IMMP2L: variants seen among roughly 807,000 people sequenced by gnomAD.
IMMP2L encodes inner mitochondrial membrane peptidase subunit 2, also known as mitochondrial inner membrane protease subunit 2.
IMMP2L carries 18 observed loss-of-function variants against 19.3 expected under a neutral mutation model. The ratio of observed to expected loss-of-function variants is 0.93; its 90% CI spans 0.64 to 1.38. The LOEUF (loss-of-function observed/expected upper bound fraction) is 1.38. Ranked by LOEUF, IMMP2L falls within the 40% of genes most tolerant of loss-of-function variation. The pLI is 0.00. For missense variants in IMMP2L, 233 were observed against 218.2 expected (o/e 1.07, Z -0.43); for synonymous variants, 76 against 73.0 (o/e 1.04, Z -0.21).
intron 3 of IMMP2L, among the ~76,000 whole-genome samples, chr7:111,429,377 A>C (rs1295332059): frequency 1.3e-5 from 2 of 151,918 alleles, no homozygotes; most frequent in Non-Finnish European, 2.9e-5. Context: ...CAGAAGAGGC[A>C]AGGCCTGAGT....
At chr7:110,695,218 G>T (rs1391617551) in intron 5 of IMMP2L, among the ~76,000 whole-genome samples, 1 of 152,136 alleles carries the variant, frequency 6.6e-6, no homozygotes, top group Non-Finnish European at 1.5e-5. Context: ...TTGAGACAGG[G>T]TCTTGCTCTG....
chr7:110,865,416 C>A lies in IMMP2L; in HGVS notation c.408+21177G>T, dbSNP rs183886413. Among the ~76,000 whole-genome samples the A allele has an allele frequency of 3.9e-3, 599 of 152,048 alleles. 5 individuals carry two copies. The highest frequency in any genetic ancestry group is 0.014 in the African/African-American group (575 of 41,504). On this transcript the variant is annotated intron_variant, in intron 5 of 5. Transcript: ENST00000405709. ...GTGTTAGCCTTCATTTCGCTCTTACCAACTACATTTCATCAACATTTACTC... is the reference window on the plus strand; with the variant it reads ...GTGTTAGCCTTCATTTCGCTCTTACAAACTACATTTCATCAACATTTACTC...
intron 3 of IMMP2L, among the ~76,000 whole-genome samples, chr7:111,412,961 T>A (rs762847624): frequency 6.6e-6 from 1 of 151,628 alleles, no homozygotes; most frequent in African/African-American, 2.4e-5. Context: ...AAGCTGCTTT[T>A]TGGAAAACAT....
At chr7:111,378,556 G>A (rs1830905638) in intron 3 of IMMP2L, among the ~76,000 whole-genome samples, 1 of 151,936 alleles carries the variant, frequency 6.6e-6, no homozygotes, top group Non-Finnish European at 1.5e-5. Context: ...CGCTGTAGTT[G>A]TAACTGGCAA....
intron 3 of IMMP2L, chr7:111,122,299 A>G (rs1800744363): frequency 6.5e-6 from 1 of 152,846 alleles, no homozygotes; most frequent in South Asian, 2.1e-4. Context: ...AACTCTAAGA[A>G]TATAATTTAT....
chr7:111,147,795 C>A (rs1156436880), intron 3 of IMMP2L, among the ~76,000 whole-genome samples: 1 of 152,086 alleles, frequency 6.6e-6, no homozygotes, highest in Non-Finnish European at 1.5e-5. Context: ...AAAACACAAA[C>A]AATTGTCAAA....
intron 5 of IMMP2L, among the ~76,000 whole-genome samples, chr7:110,825,630 T>C (rs945287658): frequency 3.4e-4 from 51 of 152,156 alleles, no homozygotes; most frequent in African/African-American, 1.2e-3. Context: ...AACTGGCTAG[T>C]CATATGTAGA....
chr7:110,976,277 T>A (rs2129557312), intron 3 of IMMP2L, among the ~76,000 whole-genome samples: 1 of 152,212 alleles, frequency 6.6e-6, no homozygotes, highest in African/African-American at 2.4e-5. Flanking sequence ...TATTTGATGA[T>A]GATTAGATCA....
At chr7:110,937,021 C>T (rs767947379) in intron 4 of IMMP2L, among the ~76,000 whole-genome samples, 6 of 151,816 alleles carry the variant, frequency 4.0e-5, no homozygotes, top group Middle Eastern at 3.2e-3. Context: ...CATGAACAAA[C>T]GGAGGGGAAC....
intron 3 of IMMP2L, among the ~76,000 whole-genome samples, chr7:111,469,690 G>A (rs1356372608): frequency 3.9e-5 from 6 of 152,112 alleles, no homozygotes; most frequent in Non-Finnish European, 5.9e-5. Flanking sequence ...GCTGAAACTG[G>A]ATCCCTGCCT....
intron 5 of IMMP2L, among the ~76,000 whole-genome samples, chr7:110,679,433 C>T (rs1044068299): frequency 3.3e-5 from 5 of 152,092 alleles, no homozygotes; most frequent in Admixed American, 6.5e-5. Context: ...TAGTAGCTGA[C>T]GTCCCACATG....
chr7:111,316,025 C>G (rs1824033665), intron 3 of IMMP2L, among the ~76,000 whole-genome samples: 1 of 152,108 alleles, frequency 6.6e-6, no homozygotes, highest in Non-Finnish European at 1.5e-5. Context: ...GCTTATGGCT[C>G]CTAGACTACA....
chr7:110,959,799 G>C (rs528418505), intron 4 of IMMP2L, among the ~76,000 whole-genome samples: 68 of 151,916 alleles, frequency 4.5e-4, no homozygotes, highest in Non-Finnish European at 9.0e-4. Context: ...GCAGTGGAAA[G>C]AGAGGAGGCA....
At chr7:111,217,505 C>G (rs1470604850) in intron 3 of IMMP2L, among the ~76,000 whole-genome samples, 2 of 152,026 alleles carry the variant, frequency 1.3e-5, no homozygotes, top group Admixed American at 1.3e-4. Flanking sequence ...AGCATTTAGC[C>G]TACAGCAGAG....
intron 5 of IMMP2L, among the ~76,000 whole-genome samples, chr7:110,865,447 T>A (rs1043937429): frequency 6.6e-6 from 1 of 152,116 alleles, no homozygotes; most frequent in African/African-American, 2.4e-5. Flanking sequence ...TACTCTGAGT[T>A]CTATATCTTA....
chr7:111,507,121 G>A (rs962627982), intron 2 of IMMP2L, among the ~76,000 whole-genome samples: 8 of 152,170 alleles, frequency 5.3e-5, no homozygotes, highest in Non-Finnish European at 7.3e-5. Flanking sequence ...GATTATAGGC[G>A]TGAGCCACTA....
chr7:111,369,853 C>T (rs1830107712), intron 3 of IMMP2L, among the ~76,000 whole-genome samples: 1 of 151,798 alleles, frequency 6.6e-6, no homozygotes, highest in African/African-American at 2.4e-5. Context: ...ACTATCATGG[C>T]AGTCATTATG....
At chr7:110,717,051 T>C (rs554313713) in intron 5 of IMMP2L, among the ~76,000 whole-genome samples, 12 of 152,258 alleles carry the variant, frequency 7.9e-5, no homozygotes, top group African/African-American at 2.9e-4. Flanking sequence ...ATTAGAGGAT[T>C]TGGGTAAGTC....
chr7:111,192,737 T>C (rs1251156625), intron 3 of IMMP2L, among the ~76,000 whole-genome samples: 2 of 151,994 alleles, frequency 1.3e-5, no homozygotes, highest in African/African-American at 2.4e-5. Flanking sequence ...AAGGGGATGA[T>C]TGCCCAAGAG....
Sources: gnomAD v4.1 joint callset for allele counts (sites outside exome capture counted in the v4.1 genomes callset) on GRCh38, gnomAD v4.1.1 for gene constraint, MANE v1.5 for transcripts, NCBI Gene and HGNC (gene_info 2026-07-23, HGNC 2026-07-21) for gene names.